ELFN2: variants seen among roughly 807,000 people sequenced by gnomAD.
The protein encoded by ELFN2 is protein phosphatase 1 regulatory subunit 29.
In ELFN2, 17 loss-of-function variants were observed where a neutral mutation model predicts 45.5. The ratio of observed to expected loss-of-function variants is 0.37; its 90% confidence interval spans 0.26 to 0.56. The LOEUF (loss-of-function observed/expected upper bound fraction) is 0.56, where lower values mean the gene tolerates loss of function less well. Ranked by LOEUF, ELFN2 falls within the 20% of genes least tolerant of loss-of-function variation. The pLI, the probability that ELFN2 is intolerant of heterozygous loss-of-function variation, is 0.77. For missense variants in ELFN2, 922 were observed against 1,183.2 expected, an observed-to-expected ratio of 0.78 and a Z score of 3.24; for synonymous variants, 550 against 551.5, an observed-to-expected ratio of 1.00 and a Z score of 0.04.
At chr22:37,388,432 T>C (rs374873920) in intron 2 of ELFN2, among the ~76,000 whole-genome samples, 9 of 152,256 alleles carry the variant, frequency 5.9e-5, no homozygotes, top group African/African-American at 1.9e-4. Flanking sequence ...TCAATAAATA[T>C]TTGTTCATGG....
intron 2 of ELFN2, among the ~76,000 whole-genome samples, chr22:37,380,177 G>A (rs886816648): frequency 6.6e-5 from 10 of 152,346 alleles, no homozygotes; most frequent in East Asian, 5.8e-4. Context: ...GCACTGCGGC[G>A]TGTGGGAGGG....
At position 37,373,714 on chromosome 22, in the gene ELFN2, C is replaced by G. The variant is rs1258214870; in HGVS notation, c.1821G>C (p.Lys607Asn). The change falls in exon 3 of 3, where the codon AAG (lysine) becomes AAC (asparagine). Residue 607 changes from lysine (K) to asparagine (N), a missense_variant. By Grantham distance (94) the Lys-to-Asn change is moderately conservative (BLOSUM62 0). Around this residue, in one of 2 missense-constraint regions of ELFN2, gnomAD observed 564 missense variants for 642.8 expected, o/e 0.88. Transcript: ENST00000402918. ...ERPSFLSPPY[K>N]ESSHHPLQRQ... ...GCTGTAGTGGGTGGTGGGAGCTCTCCTTGTAGGGAGGCGAAAGGAAGCTGG... is the reference window on the plus strand; with the variant it reads ...GCTGTAGTGGGTGGTGGGAGCTCTCGTTGTAGGGAGGCGAAAGGAAGCTGG... The G allele has an allele frequency of 6.4e-7, 1 of 1,554,488 alleles. No homozygotes were observed. The highest frequency in any genetic ancestry group is 2.1e-5 in the Admixed American group (1 of 47,422).
rs79330041 is a variant in ELFN2, at chr22:37,362,761, G to A, written n.149-20058C>T. ...AAAGCCCCTACTTCATGGAGCTGCC[G>A]AGGAAATAAACACACCCTGGTCCAC... On this transcript the variant is annotated intron_variant and non_coding_transcript_variant, in intron 1 of 2. Transcript: ENST00000452946. Among the ~76,000 whole-genome samples the A allele has an allele frequency of 5.6e-3, 859 of 152,268 alleles. 7 individuals are homozygous for A. The highest frequency in any genetic ancestry group is 0.02 in the Middle Eastern group (6 of 294).
At chr22:37,343,447 C>T (rs1443369369) in intron 1 of ELFN2, among the ~76,000 whole-genome samples, 1 of 152,072 alleles carries the variant, frequency 6.6e-6, no homozygotes, top group Non-Finnish European at 1.5e-5. Context: ...ATGCCCGCCT[C>T]TCCCACTCCA....
At chr22:37,387,031 CGCTGTGAG>C (rs748827524) in intron 2 of ELFN2, among the ~76,000 whole-genome samples, 50 of 152,350 alleles carry the variant, frequency 3.3e-4, no homozygotes, top group Non-Finnish European at 5.0e-4. Context: ...CTGCAGGTAT[CGCTGTGAG>C]GGTCTGGCGC....
rs1470031733 is a variant in ELFN2, at chr22:37,407,624, G to A, written c.-463+10145C>T. 4.6e-5 allele frequency among the ~76,000 whole-genome samples: 7 copies of A among 152,094 alleles called. No homozygotes were observed. In the South Asian group the frequency reaches 1.0e-3, roughly 23 times the overall value. On this transcript the variant is annotated intron_variant, in intron 2 of 2. Transcript: ENST00000402918. ...AAAACGCCCCACCCGGCGGCCAGGC[G>A]CAGTGGCTCATGCCTGTAATCCCAA...
intron 2 of ELFN2, among the ~76,000 whole-genome samples, chr22:37,413,426 G>A (rs1169156318): frequency 6.6e-6 from 1 of 151,992 alleles, no homozygotes; most frequent in African/African-American, 2.4e-5. Context: ...GCTTGGCATG[G>A]TGGTATGTGC....
rs560077250 is a variant in ELFN2 at position 37,381,934 on chromosome 22, C to T, written c.-462-5938G>A. Among the ~76,000 whole-genome samples the T allele has an allele frequency of 3.4e-3, 421 of 122,078 alleles. 2 individuals carry two copies. Among genetic ancestry groups the T allele is most frequent in the Middle Eastern group, 0.012 (2 of 162 alleles). 80.1% of individuals were successfully genotyped at this position (122,078 alleles called of 152,430 possible). ...TCGCGCCTCTGCACTCCAGCCTGGGCGACAGAGTGAGACTCCGTCTCAAAA... is the reference window on the plus strand; with the variant it reads ...TCGCGCCTCTGCACTCCAGCCTGGGTGACAGAGTGAGACTCCGTCTCAAAA... On this transcript the variant is annotated intron_variant, in intron 2 of 2. Transcript: ENST00000402918.
At chr22:37,358,589 G>A (rs1268782272) in intron 1 of ELFN2, among the ~76,000 whole-genome samples, 1 of 152,180 alleles carries the variant, frequency 6.6e-6, no homozygotes, top group African/African-American at 2.4e-5. Context: ...CCTCTTCCTG[G>A]TTGGAACTGG....
At chr22:37,340,997 C>A (rs1930545823) in intron 2 of ELFN2, 1 of 152,086 alleles carries the variant, frequency 6.6e-6, no homozygotes, top group Non-Finnish European at 1.5e-5. Flanking sequence ...AGATGGAGGG[C>A]AGCAGGGCAG....
chr22:37,363,337 G>A (rs374531235), downstream of ELFN2, among the ~76,000 whole-genome samples: 1 of 152,226 alleles, frequency 6.6e-6, no homozygotes, highest in African/African-American at 2.4e-5. Flanking sequence ...AGTGAGAAGA[G>A]AGAGGGGCAG....
At chr22:37,355,226 G>A (rs1188753682) in intron 1 of ELFN2, among the ~76,000 whole-genome samples, 12 of 152,210 alleles carry the variant, frequency 7.9e-5, no homozygotes, top group African/African-American at 2.9e-4. Flanking sequence ...AGTCTCACGT[G>A]GGCCACAAGC....
rs1930913196 is a variant in ELFN2, at chr22:37,354,893, G to A, written n.149-12190C>T. 5 of 152,244 alleles carry A rather than the reference G, an allele frequency of 3.3e-5. No individual in the cohort carries two copies. In the South Asian group the frequency reaches 1.0e-3, roughly 32 times the overall value. The allele number at this position is 152,244 out of a possible 1,614,324, so 9.4% of individuals were successfully genotyped here. A position where few individuals can be genotyped will look rare whatever the true frequency, so the allele number is the denominator to read the frequency against. ...TCCAGACATTGCCAAATGTCCCCTGGGGGTAAGGTTGCCACAGTAAATACA... is the reference window on the plus strand; with the variant it reads ...TCCAGACATTGCCAAATGTCCCCTGAGGGTAAGGTTGCCACAGTAAATACA... On this transcript the variant is annotated intron_variant and non_coding_transcript_variant, in intron 1 of 2. Transcript: ENST00000452946.
rs747652536 is a variant in ELFN2 at position 37,373,515 on chromosome 22, G to A, written c.2020C>T (p.Leu674=). The A allele has an allele frequency of 1.3e-6, 2 of 1,562,074 alleles. No individual in the cohort carries two copies. The highest frequency in any genetic ancestry group is 1.7e-6 in the Non-Finnish European group (2 of 1,155,836). The part of the protein sequence containing the change: ...IEKGSPLNSP[L]DRLPLVPAGS... The stretch of plus-strand genomic sequence containing the variant: ...GCCGGCACCAGCGGGAGCCGGTCCA[G>A]CGGGCTGTTGAGGGGGCTGCCCTTC... The change falls in exon 3 of 3, where the codon CTG becomes TTG. Residue 674 remains leucine, a synonymous_variant. Transcript: ENST00000402918.
intron 1 of ELFN2, among the ~76,000 whole-genome samples, chr22:37,360,769 C>A (rs1931065377): frequency 6.6e-6 from 1 of 152,176 alleles, no homozygotes; most frequent in African/African-American, 2.4e-5. Flanking sequence ...AAATATCAGA[C>A]ACAAAACAGG....
At chr22:37,385,468 T>G (rs2145651370) in intron 2 of ELFN2, among the ~76,000 whole-genome samples, 1 of 152,350 alleles carries the variant, frequency 6.6e-6, no homozygotes, top group Non-Finnish European at 1.5e-5. Flanking sequence ...TCAAAAATCC[T>G]CATTTCTGGA....
At position 37,373,565 on chromosome 22, in the gene ELFN2, G is replaced by A; in HGVS notation, c.1970C>T (p.Ala657Val). 1 of 1,604,172 alleles carries A rather than the reference G, an allele frequency of 6.2e-7. No homozygotes were observed. The highest frequency in any genetic ancestry group is 8.5e-7 in the Non-Finnish European group (1 of 1,176,626). The change falls in exon 3 of 3, where the codon GCT becomes GTT. Residue 657 changes from alanine to valine, a missense_variant. Ala to Val is a moderately conservative substitution (Grantham distance 64). This residue lies in a region of ELFN2 where 564 missense variants were observed against 642.8 expected (regional missense o/e 0.88). Transcript: ENST00000402918. ...CTCGATGTACTTGGAGTCGCCCTTA[G>A]CCAGCCCTGTGGCGGCCGGATGGTC... ...VPDHPAATGL[A>V]KGDSKYIEKG...
intron 2 of ELFN2, among the ~76,000 whole-genome samples, chr22:37,341,824 G>A (rs578091600): frequency 5.3e-5 from 8 of 152,218 alleles, no homozygotes; most frequent in Non-Finnish European, 1.0e-4. Flanking sequence ...AAATGGGTCA[G>A]TGAGGACAGA....
rs746267283 is a variant in ELFN2, at chr22:37,374,383, G to T, written c.1152C>A (p.Pro384=). Residue 384 remains proline, a synonymous_variant, in exon 3 of 3, where the codon CCC becomes CCA. Coordinates refer to ENST00000402918, the MANE Select transcript of ELFN2 (RefSeq NM_052906.5). ...TGGAGGTGCTGGGCGCCAAGTCTCC[G>T]GGGACGGGGTCCCGCGTGGTGAAGG... The part of the protein sequence containing the change: ...CLTFTTRDPV[P]GDLAPSTSTT... The T allele has an allele frequency of 6.2e-7, 1 of 1,613,836 alleles. No homozygotes were observed.
Sources: gnomAD v4.1 joint callset for allele counts (sites outside exome capture counted in the v4.1 genomes callset) on GRCh38, gnomAD v4.1.1 for gene constraint, gnomAD v4.1.1 regional missense constraint, MANE v1.5 for transcripts, NCBI Gene and HGNC (gene_info 2026-07-23, HGNC 2026-07-21) for gene names.